NPTX2: variants seen among roughly 807,000 people sequenced by gnomAD.
NPTX2 encodes neuronal pentraxin-2.
A neutral mutation model predicts 38.1 loss-of-function variants in NPTX2; 23 were observed. The ratio of observed to expected loss-of-function variants is 0.60; its 90% CI spans 0.43 to 0.85. The LOEUF is 0.85. NPTX2 is among the 40% of genes least tolerant of loss of function. NPTX2 has a pLI of 0.00. For synonymous variants in NPTX2, 291 were observed against 287.3 expected (o/e 1.01, Z -0.13); for missense variants, 553 against 615.3 (o/e 0.90, Z 1.07).
Position 98,617,577 on chromosome 7 carries a change from C to G in NPTX2, c.116C>G (p.Ala39Gly). The G allele has an allele frequency of 6.7e-7, 1 of 1,482,070 alleles. No individual in the cohort carries two copies. The allele number at this position is 1,482,070 out of a possible 1,614,324, so 91.8% of individuals were successfully genotyped here. ...GCACTGCCCCCAGAGGCGGTGCACGCCGGCTGCCCGCTGCCCGCGATGCCC... is the reference window on the plus strand; with the variant it reads ...GCACTGCCCCCAGAGGCGGTGCACGGCGGCTGCCCGCTGCCCGCGATGCCC... The part of the protein sequence containing the change: ...CTALPPEAVH[A>G]GCPLPAMPMQ... Residue 39 changes from alanine to glycine, a missense_variant, in exon 1 of 5, where the codon GCC (alanine) becomes GGC (glycine). By Grantham distance (60) the Ala-to-Gly change is moderately conservative. Coordinates refer to ENST00000265634, the MANE Select transcript of NPTX2 (RefSeq NM_002523.3).
At chr7:98,625,193 C>T (rs1219071419) in intron 3 of NPTX2, 27 bp downstream of exon 3, 1 of 1,558,166 alleles carries the variant, frequency 6.4e-7, no homozygotes, top group South Asian at 1.2e-5. Context: ...CCGCCACCCT[C>T]CCCAGAACCC....
chr7:98,628,404 C>G lies in NPTX2; in HGVS notation c.1071C>G (p.Asp357Glu). Residue 357 changes from aspartate (D) to glutamate (E), a missense_variant and splice_region_variant, in exon 5 of 5, where the codon GAC becomes GAG. Asp to Glu is a conservative substitution (Grantham distance 45, BLOSUM62 2). Transcript: ENST00000265634. ...GCTCTCTTGTTCCCATTCCCCAGGA[C>G]ACCGTGGGGGGTAGGTTTGATGCCA... is the stretch of plus-strand genomic sequence containing the variant. ...GGVLILGQEQ[D>E]TVGGRFDATQ... is the part of the protein sequence containing the mutation. 2 of 1,553,414 alleles carry G rather than the reference C, an allele frequency of 1.3e-6. No homozygotes were observed. Among genetic ancestry groups the G allele is most frequent in the Non-Finnish European group, 1.8e-6 (2 of 1,128,622 alleles).
At chr7:98,628,367 A>G (rs2115637635) in intron 4 of NPTX2, 35 bp from the exon 5 acceptor site, 1 of 1,077,330 alleles carries the variant, frequency 9.3e-7, no homozygotes, top group Non-Finnish European at 1.4e-6. Flanking sequence ...CTTGTGAACC[A>G]GCCCTGACGC....
In NPTX2 at chr7:98,617,581, C is replaced by T; in HGVS notation, c.120C>T (p.Gly40=). ...TALPPEAVHA[G]CPLPAMPMQG... ...TGCCCCCAGAGGCGGTGCACGCCGG[C>T]TGCCCGCTGCCCGCGATGCCCATGC... Residue 40 remains glycine (G), a synonymous_variant, in exon 1 of 5, where the codon GGC becomes GGT. Transcript: ENST00000265634. 1 of 1,482,668 alleles carries T rather than the reference C, an allele frequency of 6.7e-7. No homozygotes were observed. The highest frequency in any genetic ancestry group is 8.9e-7 in the Non-Finnish European group (1 of 1,124,000). The allele number at this position is 1,482,668 out of a possible 1,614,324, so 91.8% of individuals were successfully genotyped here. A position where few individuals can be genotyped will look rare whatever the true frequency, so the allele number is the denominator to read the frequency against.
rs1584145108 is a variant in NPTX2 at position 98,628,803 on chromosome 7, C to T, written c.*174C>T. ...GTGTCTGTCACTGGCTTGTTTGTTC[C>T]CTACCAATATTCTGTTGCTGTTTGA... On this transcript the variant is annotated 3_prime_UTR_variant, in exon 5 of 5. Coordinates refer to ENST00000265634, the MANE Select transcript of NPTX2 (RefSeq NM_002523.3). 1 of 486,490 alleles carries T rather than the reference C, an allele frequency of 2.1e-6. No homozygotes were observed. Among genetic ancestry groups the T allele is most frequent in the East Asian group, 3.0e-5 (1 of 33,208 alleles). 30.1% of individuals were successfully genotyped at this position (486,490 alleles called of 1,614,324 possible).
rs200093714 is a variant in NPTX2, at chr7:98,624,950, G to C, written c.672G>C (p.Ala224=). 3 of 1,613,568 alleles carry C rather than the reference G, an allele frequency of 1.9e-6. No individual in the cohort carries two copies. The highest frequency in any genetic ancestry group is 2.2e-5 in the East Asian group (1 of 44,878). ...RGNSAFKSPD[A]FKVSLPLRTN... is the part of the protein sequence containing the mutation. ...ATAGCGCCTTTAAGTCACCAGATGCGTTCAAGGTGTCCCTCCCACTCCGCA... is the reference window on the plus strand; with the variant it reads ...ATAGCGCCTTTAAGTCACCAGATGCCTTCAAGGTGTCCCTCCCACTCCGCA... Residue 224 remains alanine, a synonymous_variant, in exon 3 of 5, where the codon GCG becomes GCC. Coordinates refer to ENST00000265634, the MANE Select transcript of NPTX2 (RefSeq NM_002523.3).
chr7:98,621,663 G>A (rs1791272055), intron 2 of NPTX2, among the ~76,000 whole-genome samples: 1 of 152,200 alleles, frequency 6.6e-6, no homozygotes, highest in Non-Finnish European at 1.5e-5. Flanking sequence ...ACTACAGGCA[G>A]GGGGCCTTGG....
intron 2 of NPTX2, among the ~76,000 whole-genome samples, chr7:98,621,834 G>C (rs938079576): frequency 3.3e-5 from 5 of 152,244 alleles, no homozygotes; most frequent in Non-Finnish European, 7.3e-5. Flanking sequence ...AGTGATGCCT[G>C]CATTCACATT....
At position 98,617,448 on chromosome 7, in the gene NPTX2, G is replaced by T; in HGVS notation, c.-14G>T. ...GCTCGCCCATGCCGAGCTGAGCGCG[G>T]CAGCGGCGGCGGGATGCTGGCGCTG... is the stretch of plus-strand genomic sequence containing the variant. On this transcript the variant is annotated 5_prime_UTR_variant, in exon 1 of 5. Coordinates refer to ENST00000265634, the MANE Select transcript of NPTX2 (RefSeq NM_002523.3). The T allele has an allele frequency of 1.0e-6, 1 of 977,966 alleles. No individual in the cohort carries two copies. Among genetic ancestry groups the T allele is most frequent in the Non-Finnish European group, 1.3e-6 (1 of 763,904 alleles). 60.6% of individuals were successfully genotyped at this position (977,966 alleles called of 1,614,324 possible). A position where few individuals can be genotyped will look rare whatever the true frequency, so the allele number is the denominator to read the frequency against.
At position 98,617,461 on chromosome 7, in the gene NPTX2, G is replaced by A. The variant is rs1161687582; in HGVS notation, c.-1G>A. On this transcript the variant is annotated 5_prime_UTR_variant, in exon 1 of 5. Transcript: ENST00000265634. The stretch of plus-strand genomic sequence containing the variant: ...GAGCTGAGCGCGGCAGCGGCGGCGG[G>A]ATGCTGGCGCTGCTGGCCGCCAGCG... 1 of 1,083,200 alleles carries A rather than the reference G, an allele frequency of 9.2e-7. No individual in the cohort carries two copies. The highest frequency in any genetic ancestry group is 3.6e-5 in the East Asian group (1 of 28,060). 67.1% of individuals were successfully genotyped at this position (1,083,200 alleles called of 1,614,324 possible). A position where few individuals can be genotyped will look rare whatever the true frequency, so the allele number is the denominator to read the frequency against.
In NPTX2 at chr7:98,617,635, G is replaced by A. The variant is rs1296606118; in HGVS notation, c.174G>A (p.Glu58=). The stretch of plus-strand genomic sequence containing the variant: ...GCGGCGCGCAGAGTCCCGAGGAGGA[G>A]CTGAGGGCCGCGGTGCTGCAGCTGC... The part of the protein sequence containing the change: ...MQGGAQSPEE[E]LRAAVLQLRE... The change falls in exon 1 of 5, where the codon GAG becomes GAA. Residue 58 remains glutamate, a synonymous_variant. Coordinates refer to ENST00000265634, the MANE Select transcript of NPTX2 (RefSeq NM_002523.3). 27 of 1,490,604 alleles carry A rather than the reference G, an allele frequency of 1.8e-5. No homozygotes were observed. Among genetic ancestry groups the A allele is most frequent in the Middle Eastern group, 4.7e-4 (2 of 4,226 alleles). 92.3% of individuals were successfully genotyped at this position (1,490,604 alleles called of 1,614,324 possible).
chr7:98,618,793 A>G (rs1406604684), intron 1 of NPTX2, among the ~76,000 whole-genome samples: 1 of 151,936 alleles, frequency 6.6e-6, no homozygotes, highest in Non-Finnish European at 1.5e-5. Context: ...ACAGGTGGTA[A>G]TTATTGCAAA....
chr7:98,618,595 T>TCCCCCCCCCCCCCCCCCCCCCCCCCC (rs1221869556), intron 1 of NPTX2, among the ~76,000 whole-genome samples: 3 of 29,126 alleles, frequency 1.0e-4, no homozygotes, highest in Admixed American at 4.0e-4. Flanking sequence ...TCCCCCTCCG[T>TCCCCCCCCCCCCCCCCCCCCCCCCCC]CCCCCCCCCC....
chr7:98,623,492 G>A (rs1187095235), intron 2 of NPTX2, among the ~76,000 whole-genome samples: 2 of 152,216 alleles, frequency 1.3e-5, no homozygotes, highest in Admixed American at 1.3e-4. Context: ...CCAAGGCTGT[G>A]ACCAGGTGTG....
At chr7:98,619,480 A>T (rs918895070) in intron 1 of NPTX2, among the ~76,000 whole-genome samples, 163 bp from the exon 2 acceptor site, 5 of 152,248 alleles carry the variant, frequency 3.3e-5, no homozygotes, top group African/African-American at 1.2e-4. Context: ...AATCTTTTCC[A>T]TACCAAAAAA....
rs1791195045 is a variant in NPTX2, at chr7:98,617,755, G to C, written c.294G>C (p.Ala98=). 2.1e-6 allele frequency: 3 copies of C among 1,428,938 alleles called. No individual in the cohort carries two copies. Among genetic ancestry groups the C allele is most frequent in the East Asian group, 2.9e-5 (1 of 34,638 alleles). The allele number at this position is 1,428,938 out of a possible 1,614,324, so 88.5% of individuals were successfully genotyped here. ...TGKLARCEGL[A]GGKARGAGAT... is the part of the protein sequence containing the mutation. ...AGCTAGCGCGCTGCGAGGGGCTGGCGGGCGGCAAGGCGCGCGGCGCGGGGG... is the reference window on the plus strand; with the variant it reads ...AGCTAGCGCGCTGCGAGGGGCTGGCCGGCGGCAAGGCGCGCGGCGCGGGGG... Residue 98 remains alanine (A), a synonymous_variant, in exon 1 of 5, where the codon GCG becomes GCC. Coordinates refer to ENST00000265634, the MANE Select transcript of NPTX2 (RefSeq NM_002523.3).
intron 2 of NPTX2, among the ~76,000 whole-genome samples, chr7:98,623,720 A>G (rs552338458): frequency 6.6e-6 from 1 of 152,300 alleles, no homozygotes; most frequent in East Asian, 1.9e-4. Flanking sequence ...CTTTCATGTG[A>G]GGAGTGACAC....
intron 4 of NPTX2, among the ~76,000 whole-genome samples, chr7:98,628,034 G>A (rs148035620): frequency 5.1e-4 from 78 of 152,262 alleles, no homozygotes; most frequent in African/African-American, 1.8e-3. Flanking sequence ...ACAGTGGGGC[G>A]TAGACTCCAG....
In NPTX2 at chr7:98,617,331, C is replaced by G. The variant is rs557855735; in HGVS notation, c.-131C>G. 2.3e-4 allele frequency: 68 copies of G among 291,650 alleles called. No individual in the cohort carries two copies. In the South Asian group the frequency reaches 9.1e-3, roughly 39 times the overall value. The allele number at this position is 291,650 out of a possible 1,614,324, so 18.1% of individuals were successfully genotyped here. A position where few individuals can be genotyped will look rare whatever the true frequency, so the allele number is the denominator to read the frequency against. On this transcript the variant is annotated 5_prime_UTR_variant, in exon 1 of 5. Coordinates refer to ENST00000265634, the MANE Select transcript of NPTX2 (RefSeq NM_002523.3). ...GGTGCGGCTGTGAGACGGCAGGAGA[C>G]TTCTGCCCCGCGGTGCACGCGACCC...
Sources: gnomAD v4.1 joint callset for allele counts (sites outside exome capture counted in the v4.1 genomes callset) on GRCh38, gnomAD v4.1.1 for gene constraint, MANE v1.5 for transcripts, NCBI Gene and HGNC (gene_info 2026-07-23, HGNC 2026-07-21) for gene names.